Variants in NLGN4X observed in about 807,000 individuals in gnomAD.
The protein encoded by NLGN4X is neuroligin-4, X-linked.
Under a neutral mutation model 40.3 loss-of-function variants are expected in NLGN4X, and 3 were observed. The observed-to-expected ratio is 0.07, with a 90% CI of 0.03 to 0.19. NLGN4X has a LOEUF of 0.19. NLGN4X is among the 10% of genes least tolerant of loss of function. NLGN4X has a pLI of 1.00. For synonymous variants in NLGN4X, 270 were observed against 306.8 expected (o/e 0.88, Z 1.25); for missense variants, 382 against 708.3 (o/e 0.54, Z 5.23).
At chrX:6,188,087 CAG>C (rs1188984529) in intron 1 of NLGN4X, among the ~76,000 whole-genome samples, 1 of 111,886 alleles carries the variant, frequency 8.9e-6, no homozygotes, top group Non-Finnish European at 1.9e-5. Context: ...TTGTGGCTGA[CAG>C]AGAAAGAAAA....
intron 2 of NLGN4X, among the ~76,000 whole-genome samples, chrX:6,081,056 A>G (rs146924000): frequency 0.016 from 1,722 of 110,670 alleles, 31 homozygotes; most frequent in African/African-American, 0.054. Flanking sequence ...TGGGAGGCCA[A>G]GGCAGGCAGA....
chrX:5,967,380 G>A (rs1004706265), intron 3 of NLGN4X, among the ~76,000 whole-genome samples: 1 of 111,689 alleles, frequency 9.0e-6, no homozygotes, highest in Non-Finnish European at 1.9e-5. Flanking sequence ...AACATGCTTT[G>A]GATAGGAGCC....
At chrX:6,213,720 A>C (rs149554680) in intron 1 of NLGN4X, among the ~76,000 whole-genome samples, 1 of 112,428 alleles carries the variant, frequency 8.9e-6, no homozygotes, top group Admixed American at 9.4e-5. Flanking sequence ...TGTAAGAATC[A>C]AAGAGTCAGA....
chrX:6,077,270 T>TTGTGTG (rs201491267), intron 2 of NLGN4X, among the ~76,000 whole-genome samples: 2 of 78,169 alleles, frequency 2.6e-5, no homozygotes, highest in Admixed American at 1.4e-4. Flanking sequence ...AAATTTTATT[T>TTGTGTG]TGTGTGTGTG....
At chrX:6,200,811 C>T (rs998056018) in intron 1 of NLGN4X, among the ~76,000 whole-genome samples, 16 of 106,150 alleles carry the variant, frequency 1.5e-4, no homozygotes, top group African/African-American at 5.2e-4. Context: ...CTCAGCTTCC[C>T]AAGTAGCTGG....
intron 3 of NLGN4X, among the ~76,000 whole-genome samples, chrX:5,982,111 A>G (rs946173472): frequency 8.9e-6 from 1 of 112,385 alleles, no homozygotes; most frequent in African/African-American, 3.2e-5. Flanking sequence ...AAACACCAAA[A>G]TAGCCAAACA....
At chrX:5,902,323 A>C (rs765320424) in intron 5 of NLGN4X, among the ~76,000 whole-genome samples, 117 of 111,017 alleles carry the variant, frequency 1.1e-3, no homozygotes, top group Non-Finnish European at 1.9e-3. Context: ...CAGGAGTTTG[A>C]GAGAAGCCTG....
intron 3 of NLGN4X, among the ~76,000 whole-genome samples, chrX:6,021,440 A>G (rs1426787757): frequency 1.8e-5 from 2 of 110,605 alleles, no homozygotes; most frequent in African/African-American, 3.3e-5. Flanking sequence ...GGTCCTAATG[A>G]CAAAGCACTC....
At chrX:5,929,602 C>G (rs113925621) in intron 3 of NLGN4X, among the ~76,000 whole-genome samples, 5 of 112,406 alleles carry the variant, frequency 4.4e-5, no homozygotes, top group African/African-American at 1.3e-4. Flanking sequence ...ACATATTTCA[C>G]ACTTATTACT....
chrX:5,904,651 T>A (rs1404487361), intron 4 of NLGN4X, among the ~76,000 whole-genome samples: 1 of 112,326 alleles, frequency 8.9e-6, no homozygotes, highest in African/African-American at 3.2e-5. Context: ...AAATTCTCCA[T>A]GAGTTCAGTC....
At chrX:6,102,762 A>G (rs1281507995) in intron 2 of NLGN4X, among the ~76,000 whole-genome samples, 1 of 111,312 alleles carries the variant, frequency 9.0e-6, no homozygotes, top group Non-Finnish European at 1.9e-5. Flanking sequence ...ATATATGCAT[A>G]CATACATACA....
intron 2 of NLGN4X, among the ~76,000 whole-genome samples, chrX:6,048,647 T>C (rs1405885577): frequency 9.0e-6 from 1 of 111,479 alleles, no homozygotes; most frequent in Non-Finnish European, 1.9e-5. Flanking sequence ...ATATACACCA[T>C]GGAATACTAT....
chrX:6,095,668 G>T (rs1041674321), intron 2 of NLGN4X, among the ~76,000 whole-genome samples: 2 of 112,175 alleles, frequency 1.8e-5, no homozygotes, highest in Non-Finnish European at 3.8e-5. Flanking sequence ...GGTGCTCAAT[G>T]AAGACAATGC....
chrX:6,162,406 C>A (rs1282817450), intron 1 of NLGN4X, among the ~76,000 whole-genome samples: 1 of 111,365 alleles, frequency 9.0e-6, no homozygotes, highest in African/African-American at 3.3e-5. Flanking sequence ...GCAGACCCAC[C>A]CTTAATCTGG....
chrX:6,138,586 T>C (rs1342507552), intron 2 of NLGN4X, among the ~76,000 whole-genome samples: 1 of 112,002 alleles, frequency 8.9e-6, no homozygotes, highest in Non-Finnish European at 1.9e-5. Context: ...TTCATTCTTT[T>C]ATCTCAAAAA....
intron 1 of NLGN4X, among the ~76,000 whole-genome samples, chrX:6,224,225 A>G (rs1925951089): frequency 8.8e-6 from 1 of 113,003 alleles, no homozygotes; most frequent in South Asian, 3.6e-4. Context: ...GCAATATTCA[A>G]CAGTATTACA....
At chrX:5,984,419 A>G (rs1446629763) in intron 3 of NLGN4X, among the ~76,000 whole-genome samples, 1 of 110,369 alleles carries the variant, frequency 9.1e-6, no homozygotes, top group Admixed American at 9.7e-5. Flanking sequence ...GAGGGAGAAA[A>G]TCTAAATTAT....
intron 1 of NLGN4X, among the ~76,000 whole-genome samples, chrX:6,159,083 G>A (rs1165132552): frequency 1.8e-5 from 2 of 112,100 alleles, no homozygotes; most frequent in African/African-American, 6.5e-5. Flanking sequence ...GAGGAAAATG[G>A]GAAAATCTCA....
intron 1 of NLGN4X, among the ~76,000 whole-genome samples, chrX:6,167,650 T>C (rs190710129): frequency 1.7e-3 from 187 of 111,651 alleles, no homozygotes; most frequent in African/African-American, 5.9e-3. Flanking sequence ...TGGAGAAGAA[T>C]TCCGGGAATG....
Sources: allele counts gnomAD v4.1 joint callset (sites outside exome capture counted in the v4.1 genomes callset), GRCh38; gene constraint gnomAD v4.1.1; transcripts MANE v1.5; gene names NCBI Gene and HGNC (gene_info 2026-07-23, HGNC 2026-07-21).